The following NAALADL2 variants were observed in gnomAD, a reference collection of about 807,000 sequenced individuals.
NAALADL2 encodes the protein N-acetylated alpha-linked acidic dipeptidase like 2.
A neutral mutation model predicts 87.2 loss-of-function variants in NAALADL2; 76 were observed. The observed-to-expected ratio is 0.87, with a 90% CI of 0.72 to 1.05. NAALADL2 has a LOEUF of 1.05. Among genes scored for constraint, NAALADL2 ranks in the 50% least tolerant of loss-of-function variants. The probability of loss-of-function intolerance (pLI) is 0.00; values close to 1 mark genes in which losing one functional copy is unlikely to be tolerated. For missense variants in NAALADL2, 1,089 were observed against 945.8 expected (o/e 1.15, Z -1.99); for synonymous variants, 354 against 331.0 (o/e 1.07, Z -0.75).
At chr3:175,449,232 C>T (rs540388768) in intron 6 of NAALADL2, among the ~76,000 whole-genome samples, 5 of 152,104 alleles carry the variant, frequency 3.3e-5, no homozygotes, top group African/African-American at 1.2e-4. Context: ...GCACATGACA[C>T]TACACCCAGC....
chr3:175,786,971 A>G (rs139723206), intron 13 of NAALADL2, among the ~76,000 whole-genome samples: 2,131 of 152,098 alleles, frequency 0.014, 43 homozygotes, highest in African/African-American at 0.047. Flanking sequence ...ATACCCTGCC[A>G]TGTGAGGTGT....
At chr3:174,962,836 G>C (rs1162064457) in intron 1 of NAALADL2, among the ~76,000 whole-genome samples, 2 of 151,836 alleles carry the variant, frequency 1.3e-5, no homozygotes, top group Non-Finnish European at 2.9e-5. Context: ...ATTTTTTTCA[G>C]GATCCCTTGC....
rs549651485 is a variant in NAALADL2 at position 174,636,234 on chromosome 3, A to G, written c.-115+85597A>G. Among the ~76,000 whole-genome samples, 20 of 152,296 alleles carry G rather than the reference A, an allele frequency of 1.3e-4. No individual in the cohort carries two copies. The South Asian group carries it at 3.1e-3, about 24-fold the overall frequency. The stretch of plus-strand genomic sequence containing the variant: ...ACATAATACCTGAAACTATAAAGCT[A>G]CTAGAAGAAAACATAAGGAAAATTC... On this transcript the variant is annotated intron_variant, in intron 2 of 3. Coordinates refer to the NAALADL2 transcript ENST00000434257.
At chr3:175,142,518 T>C (rs925101110) in intron 2 of NAALADL2, among the ~76,000 whole-genome samples, 1 of 152,058 alleles carries the variant, frequency 6.6e-6, no homozygotes, top group African/African-American at 2.4e-5. Context: ...AGTAATTTGC[T>C]TGAAGCTCCT....
chr3:175,329,276 T>C (rs1244697220), intron 5 of NAALADL2, among the ~76,000 whole-genome samples: 1 of 152,216 alleles, frequency 6.6e-6, no homozygotes, highest in Non-Finnish European at 1.5e-5. Context: ...AAAAGTCTTT[T>C]CAGTGGCTCT....
chr3:174,758,655 T>C (rs951226890), intron 3 of NAALADL2, among the ~76,000 whole-genome samples: 1 of 152,202 alleles, frequency 6.6e-6, no homozygotes, highest in African/African-American at 2.4e-5. Flanking sequence ...TACAATCGAC[T>C]GTGGGGTAGC....
intron 2 of NAALADL2, among the ~76,000 whole-genome samples, chr3:175,126,153 T>A (rs1726911294): frequency 6.6e-6 from 1 of 151,972 alleles, no homozygotes; most frequent in Non-Finnish European, 1.5e-5. Context: ...CAAGAATAGT[T>A]TCTGGGGGGT....
chr3:174,886,884 T>C (rs1289429690), intron 1 of NAALADL2, among the ~76,000 whole-genome samples: 2 of 152,204 alleles, frequency 1.3e-5, no homozygotes, highest in Non-Finnish European at 2.9e-5. Flanking sequence ...TTGGGTCCTT[T>C]GGCCATGTCT....
intron 4 of NAALADL2, among the ~76,000 whole-genome samples, chr3:175,317,624 G>A (rs1490747386): frequency 6.6e-6 from 1 of 151,950 alleles, no homozygotes; most frequent in African/African-American, 2.4e-5. Flanking sequence ...CCAATATGTG[G>A]TTATAGATGG....
chr3:174,862,798 G>A (rs1032121651), intron 1 of NAALADL2, among the ~76,000 whole-genome samples: 19 of 152,102 alleles, frequency 1.2e-4, no homozygotes, highest in African/African-American at 1.7e-4. Flanking sequence ...CTTGGCACTC[G>A]TGCTGCCTAC....
chr3:175,152,110 GT>G (rs1731630270), intron 2 of NAALADL2, among the ~76,000 whole-genome samples: 2 of 152,080 alleles, frequency 1.3e-5, no homozygotes, highest in Non-Finnish European at 2.9e-5. Flanking sequence ...TTGATTAATG[GT>G]TTATAAGTAG....
intron 5 of NAALADL2, among the ~76,000 whole-genome samples, chr3:175,330,344 T>G (rs1263169449): frequency 1.3e-5 from 2 of 152,086 alleles, no homozygotes; most frequent in Non-Finnish European, 2.9e-5. Flanking sequence ...CTTGGGAGGC[T>G]GAGGTGGGAG....
chr3:174,632,825 C>T (rs571993810), intron 2 of NAALADL2, among the ~76,000 whole-genome samples: 2 of 149,796 alleles, frequency 1.3e-5, no homozygotes, highest in South Asian at 2.1e-4. Flanking sequence ...ATCCCAGCTA[C>T]TCAGGGGGCT....
intron 2 of NAALADL2, among the ~76,000 whole-genome samples, chr3:174,636,734 G>A (rs1021729798): frequency 3.3e-5 from 5 of 151,960 alleles, no homozygotes; most frequent in Admixed American, 2.0e-4. Flanking sequence ...AGCCATTATG[G>A]CAAACAATAT....
At chr3:175,471,562 T>C in intron 8 of NAALADL2, 77 bp from the exon 9 acceptor site, 1 of 793,498 alleles carries the variant, frequency 1.3e-6, no homozygotes, top group Non-Finnish European at 2.1e-6. Flanking sequence ...GAAATGTTCA[T>C]TATTCAACAT....
intron 2 of NAALADL2, among the ~76,000 whole-genome samples, chr3:175,221,432 T>C (rs6765162): frequency 0.46 from 70,305 of 151,842 alleles, 17,382 homozygotes; most frequent in African/African-American, 0.63. Flanking sequence ...AAACATTTCA[T>C]GTGCACTTAT....
intron 1 of NAALADL2, among the ~76,000 whole-genome samples, chr3:175,025,016 T>C (rs1752039576): frequency 6.6e-6 from 1 of 152,174 alleles, no homozygotes; most frequent in African/African-American, 2.4e-5. Flanking sequence ...TTTGAGATGA[T>C]TTAAGTAACA....
intron 12 of NAALADL2, among the ~76,000 whole-genome samples, chr3:175,752,922 G>T (rs886805490): frequency 6.6e-6 from 1 of 152,002 alleles, no homozygotes; most frequent in African/African-American, 2.4e-5. Flanking sequence ...CCATCTTATT[G>T]TTTCCTTGTG....
chr3:174,836,414 A>G (rs1723330884), intron 3 of NAALADL2, among the ~76,000 whole-genome samples: 4 of 152,132 alleles, frequency 2.6e-5, no homozygotes, highest in Non-Finnish European at 1.5e-5. Flanking sequence ...TTGCACAACA[A>G]TGTGAATGTG....
Sources: gnomAD v4.1 joint callset for allele counts (sites outside exome capture counted in the v4.1 genomes callset) on GRCh38, gnomAD v4.1.1 for gene constraint, MANE v1.5 for transcripts, NCBI Gene and HGNC (gene_info 2026-07-23, HGNC 2026-07-21) for gene names.